CDC42BPA: variants seen among roughly 807,000 people sequenced by gnomAD.
CDC42BPA encodes serine/threonine-protein kinase MRCK alpha.
In CDC42BPA, 80 loss-of-function variants were observed where a neutral mutation model predicts 223.5. That is an observed-to-expected ratio of 0.36 (90% CI 0.30 to 0.43). The LOEUF is 0.43. CDC42BPA is among the 20% of genes least tolerant of loss of function. CDC42BPA has a pLI of 1.00. For synonymous variants in CDC42BPA, 694 were observed against 718.6 expected (o/e 0.97, Z 0.55); for missense variants, 1,743 against 2,099.9 (o/e 0.83, Z 3.32).
chr1:227,297,331 T>C (rs1690817748), intron 1 of CDC42BPA, among the ~76,000 whole-genome samples: 1 of 152,222 alleles, frequency 6.6e-6, no homozygotes, highest in Non-Finnish European at 1.5e-5. Context: ...CATACATTGC[T>C]GGTGGGAATG....
At chr1:227,142,122 T>C (rs996469918) in intron 9 of CDC42BPA, among the ~76,000 whole-genome samples, 5 of 152,226 alleles carry the variant, frequency 3.3e-5, no homozygotes, top group African/African-American at 9.6e-5. Flanking sequence ...CTATTTTTTC[T>C]AGTCATTTGG....
chr1:227,117,788 GCCA>G (rs1688002826), intron 12 of CDC42BPA, among the ~76,000 whole-genome samples: 1 of 150,916 alleles, frequency 6.6e-6, no homozygotes, highest in African/African-American at 2.4e-5. Context: ...GATAAATCTG[GCCA>G]CAACAAACCT....
At chr1:227,027,289 G>A (rs1211206968) in intron 30 of CDC42BPA, among the ~76,000 whole-genome samples, 3 of 152,144 alleles carry the variant, frequency 2.0e-5, no homozygotes, top group East Asian at 1.9e-4. Flanking sequence ...TCCTGTTCAC[G>A]CAGACTTTCT....
chr1:227,229,718 G>A (rs1216602620), intron 2 of CDC42BPA, among the ~76,000 whole-genome samples: 1 of 152,032 alleles, frequency 6.6e-6, no homozygotes, highest in Non-Finnish European at 1.5e-5. Context: ...TACTGCTGCC[G>A]GGCATAAAGT....
At chr1:227,150,183 C>T (rs1027770414) in intron 6 of CDC42BPA, among the ~76,000 whole-genome samples, 1 of 147,560 alleles carries the variant, frequency 6.8e-6, no homozygotes, top group African/African-American at 2.5e-5. Context: ...GAGATGGCAT[C>T]ACTGCACTCC....
At chr1:227,200,576 G>A (rs6675680) in intron 3 of CDC42BPA, among the ~76,000 whole-genome samples, 103,133 of 150,532 alleles carry the variant, frequency 0.69, 35,478 homozygotes, top group South Asian at 0.74. Flanking sequence ...CTGCTATGGC[G>A]TACCATTGTT....
chr1:227,096,247 C>G (rs1683975983), intron 15 of CDC42BPA, among the ~76,000 whole-genome samples: 1 of 152,044 alleles, frequency 6.6e-6, no homozygotes, highest in South Asian at 2.1e-4. Context: ...GAAGCAACTT[C>G]AATAAAAAAA....
intron 1 of CDC42BPA, among the ~76,000 whole-genome samples, chr1:227,265,743 A>G (rs1028007152): frequency 2.0e-5 from 3 of 152,192 alleles, no homozygotes; most frequent in Non-Finnish European, 2.9e-5. Flanking sequence ...CTTCTCTCTG[A>G]AACTAGAAAT....
At chr1:227,057,310 A>C (rs1225104220) in intron 21 of CDC42BPA, among the ~76,000 whole-genome samples, 1 of 152,182 alleles carries the variant, frequency 6.6e-6, no homozygotes, top group Non-Finnish European at 1.5e-5. Context: ...TACTAGAAAC[A>C]AGAATGCAAG....
intron 16 of CDC42BPA, among the ~76,000 whole-genome samples, chr1:227,083,458 C>T (rs1681141177): frequency 6.6e-6 from 1 of 152,182 alleles, no homozygotes; most frequent in South Asian, 2.1e-4. Context: ...GAACAAATCA[C>T]ACGATTAAAG....
chr1:227,147,583 A>T (rs371724786), intron 6 of CDC42BPA, 24 bp from the exon 7 acceptor site: 5 of 1,330,238 alleles, frequency 3.8e-6, no homozygotes, highest in African/African-American at 3.0e-5. Context: ...CATTTTTATT[A>T]ATCTCCTATA....
At chr1:227,207,730 G>A (rs1312411276) in intron 3 of CDC42BPA, among the ~76,000 whole-genome samples, 1 of 148,382 alleles carries the variant, frequency 6.7e-6, no homozygotes. Context: ...ATTCCATGGT[G>A]TATATGTGCC....
chr1:227,193,664 T>C, intron 5 of CDC42BPA, 122 bp downstream of exon 5: 1 of 721,120 alleles, frequency 1.4e-6, no homozygotes, highest in South Asian at 3.0e-5. Flanking sequence ...CTCAAAATAA[T>C]TTTTTTTGGT....
chr1:227,058,786 T>C (rs1675134729), intron 21 of CDC42BPA, among the ~76,000 whole-genome samples: 1 of 152,134 alleles, frequency 6.6e-6, no homozygotes. Context: ...TTTTAAATCT[T>C]GGAATTATCT....
chr1:227,233,279 C>T (rs532299011), intron 2 of CDC42BPA, among the ~76,000 whole-genome samples: 10 of 152,194 alleles, frequency 6.6e-5, no homozygotes, highest in Admixed American at 3.9e-4. Context: ...CCTTGTGATC[C>T]GCCCACCTTG....
At chr1:227,273,551 A>G (rs1686350849) in intron 1 of CDC42BPA, among the ~76,000 whole-genome samples, 1 of 150,048 alleles carries the variant, frequency 6.7e-6, no homozygotes. Context: ...AAAAAAAACC[A>G]ACAACAACAA....
At position 226,993,963 on chromosome 1, in the gene CDC42BPA, G is replaced by A; in HGVS notation, c.*305C>T. On this transcript the variant is annotated 3_prime_UTR_variant, in exon 37 of 37. Transcript: ENST00000366766. ...TCTTATTCTTATCACTTACATTTGT[G>A]TAATCTGTCTATTTAAGCTACCTTT... 1 of 257,800 alleles carries A rather than the reference G, an allele frequency of 3.9e-6. No individual in the cohort carries two copies. Among genetic ancestry groups the A allele is most frequent in the Non-Finnish European group, 7.6e-6 (1 of 131,836 alleles). 16.0% of individuals were successfully genotyped at this position (257,800 alleles called of 1,614,324 possible).
At chr1:227,243,506 A>C (rs775249708) in intron 2 of CDC42BPA, among the ~76,000 whole-genome samples, 6 of 152,198 alleles carry the variant, frequency 3.9e-5, no homozygotes, top group Non-Finnish European at 7.3e-5. Context: ...AGAAAACACA[A>C]AACAGTCAAT....
At chr1:227,143,877 T>A (rs6426567) in intron 8 of CDC42BPA, among the ~76,000 whole-genome samples, 147,925 of 152,318 alleles carry the variant, frequency 0.97, 71,870 homozygotes, top group East Asian at 1. Context: ...GAACATAACC[T>A]CCATGAATAA....
Sources: gnomAD v4.1 joint callset for allele counts (sites outside exome capture counted in the v4.1 genomes callset) on GRCh38, gnomAD v4.1.1 for gene constraint, MANE v1.5 for transcripts, NCBI Gene and HGNC (gene_info 2026-07-23, HGNC 2026-07-21) for gene names.